The following NOL4L variants were observed in gnomAD, a reference collection of about 807,000 sequenced individuals.
The protein encoded by NOL4L is nucleolar protein 4 like.
NOL4L carries 7 observed loss-of-function variants against 64.5 expected under a neutral mutation model. The ratio of observed to expected loss-of-function variants is 0.11; its 90% confidence interval spans 0.06 to 0.20. The LOEUF is 0.20. Ranked by LOEUF, NOL4L falls within the 10% of genes least tolerant of loss-of-function variation. The pLI, the probability that NOL4L is intolerant of heterozygous loss-of-function variation, is 1.00. For missense variants in NOL4L, 680 were observed against 967.1 expected, an observed-to-expected ratio of 0.70 and a Z score of 3.94; for synonymous variants, 413 against 401.0, an observed-to-expected ratio of 1.03 and a Z score of -0.36.
chr20:32,507,522 C>T (rs550919608), intron 4 of NOL4L, among the ~76,000 whole-genome samples: 3 of 152,334 alleles, frequency 2.0e-5, no homozygotes, highest in African/African-American at 7.2e-5. Context: ...TACAACTGGC[C>T]TACAAGTAAC....
chr20:32,465,902 G>A (rs2014504569), intron 5 of NOL4L, among the ~76,000 whole-genome samples: 1 of 152,198 alleles, frequency 6.6e-6, no homozygotes, highest in Non-Finnish European at 1.5e-5. Flanking sequence ...TGTGTCCTGG[G>A]CTGAGGGGTG....
At chr20:32,490,794 T>C (rs565579586) in intron 4 of NOL4L, among the ~76,000 whole-genome samples, 49 of 152,344 alleles carry the variant, frequency 3.2e-4, no homozygotes, top group African/African-American at 1.1e-3. Flanking sequence ...ATGTCATCAG[T>C]TAATTCTGGT....
Position 32,453,166 on chromosome 20 carries a change from T to A in NOL4L, c.1497+138A>T. 9 of 1,417,102 alleles carry A rather than the reference T, an allele frequency of 6.4e-6. No homozygotes were observed. The highest frequency in any genetic ancestry group is 7.6e-6 in the Non-Finnish European group (8 of 1,048,656). The allele number at this position is 1,417,102 out of a possible 1,614,324, so 87.8% of individuals were successfully genotyped here. ...CTTTCTGGGCCTTAGTTCCCTCATT[T>A]GCAAACCAGGGATTATGGTACTTGC... On this transcript the variant is annotated intron_variant, in intron 8 of 10. Coordinates refer to ENST00000621426, the MANE Select transcript of NOL4L (RefSeq NM_001256798.2). This position sits in a 1 kb window ranked among gnomAD's most constrained non-coding sequence, Gnocchi z 5.6.
chr20:32,545,140 G>A (rs2018714604), intron 1 of NOL4L, among the ~76,000 whole-genome samples: 1 of 152,168 alleles, frequency 6.6e-6, no homozygotes, highest in Non-Finnish European at 1.5e-5. Flanking sequence ...GGGCATGGTG[G>A]TGCCTGCCTG....
In NOL4L at chr20:32,488,790, C is replaced by CTTTCTTTCT. The variant is rs2016244529; in HGVS notation, c.700-14049_700-14048insAGAAAGAAA. On this transcript the variant is annotated intron_variant, in intron 4 of 10. Coordinates refer to ENST00000621426, the MANE Select transcript of NOL4L (RefSeq NM_001256798.2). ...TCCTTCCTTCCTTCCTTCCTTCCTT[C>CTTTCTTTCT]CTTTCTTTCTTTCTTTTTCTTTCTT... Among the ~76,000 whole-genome samples the CTTTCTTTCT allele has an allele frequency of 1.8e-4, 7 of 39,754 alleles. 1 individual carries two copies. The highest frequency in any genetic ancestry group is 3.9e-5 in the Non-Finnish European group (1 of 25,332). The allele number at this position is 39,754 out of a possible 152,430, so 26.1% of individuals were successfully genotyped here. A position where few individuals can be genotyped will look rare whatever the true frequency, so the allele number is the denominator to read the frequency against.
At chr20:32,574,720 G>A (rs1040525212) in intron 1 of NOL4L, among the ~76,000 whole-genome samples, 4 of 152,118 alleles carry the variant, frequency 2.6e-5, no homozygotes, top group African/African-American at 9.7e-5. Context: ...GCCGGGAGGG[G>A]AGGGCTCCAA....
At chr20:32,572,531 C>T (rs1979817084) in intron 1 of NOL4L, 1 of 152,214 alleles carries the variant, frequency 6.6e-6, no homozygotes, top group African/African-American at 2.4e-5. Flanking sequence ...GGATTCGAAC[C>T]CAGGGCTCTT....
At position 32,569,644 on chromosome 20, in the gene NOL4L, C is replaced by A. The variant is rs367742815; in HGVS notation, c.321+14926G>T. Among the ~76,000 whole-genome samples the A allele has an allele frequency of 2.4e-4, 36 of 152,240 alleles. No individual in the cohort carries two copies. In the South Asian group the frequency reaches 5.2e-3, roughly 22 times the overall value. Reference sequence around the variant, plus strand: ...AAGCCACCTCCTGGAGCTCAGCAAGCCTGGCACAACCAGGACAGGGGCTGG... The same window carrying A: ...AAGCCACCTCCTGGAGCTCAGCAAGACTGGCACAACCAGGACAGGGGCTGG... On this transcript the variant is annotated intron_variant, in intron 1 of 10. Coordinates refer to ENST00000621426, the MANE Select transcript of NOL4L (RefSeq NM_001256798.2).
rs894490511 is a variant in NOL4L at position 32,488,853 on chromosome 20, T to C, written c.700-14111A>G. Among the ~76,000 whole-genome samples the C allele has an allele frequency of 6.4e-4, 64 of 100,690 alleles. 2 individuals carry two copies. Among genetic ancestry groups the C allele is most frequent in the Non-Finnish European group, 9.4e-4 (53 of 56,276 alleles). 66.1% of individuals were successfully genotyped at this position (100,690 alleles called of 152,430 possible). ...TTTCTTTCTTTCTTTCTTTCTTTCT[T>C]TCTTTCTTTCTTTCTTTCTTTCTTT... On this transcript the variant is annotated intron_variant, in intron 4 of 10. Coordinates refer to ENST00000621426, the MANE Select transcript of NOL4L (RefSeq NM_001256798.2).
In NOL4L at chr20:32,527,918, G is replaced by A. The variant is rs763689476; in HGVS notation, c.322-5C>T. 13 of 1,549,580 alleles carry A rather than the reference G, an allele frequency of 8.4e-6. No individual in the cohort carries two copies. Among genetic ancestry groups the A allele is most frequent in the South Asian group, 7.1e-5 (6 of 83,986 alleles). On this transcript the variant is annotated splice_polypyrimidine_tract_variant and splice_region_variant and intron_variant, in intron 1 of 10. Transcript: ENST00000621426. ...CTCCGACAGGCCATCTGCCCCCTGC[G>A]ACAGGGTGGACAAGCTGTGTTAGTG...
At chr20:32,527,121 G>A (rs141303683) in intron 2 of NOL4L, among the ~76,000 whole-genome samples, 177 of 152,282 alleles carry the variant, frequency 1.2e-3, no homozygotes, top group Middle Eastern at 0.01. Context: ...GTGTCTGGCG[G>A]TGCCTGTGCT....
At chr20:32,527,581 G>A (rs761357325) in intron 2 of NOL4L, among the ~76,000 whole-genome samples, 177 bp downstream of exon 2, 2 of 151,130 alleles carry the variant, frequency 1.3e-5, no homozygotes, top group Non-Finnish European at 2.9e-5. Flanking sequence ...CCCTCCCCTC[G>A]CCCTGTGAGC....
chr20:32,488,671 TGTAA>T (rs1169979598), intron 4 of NOL4L, among the ~76,000 whole-genome samples: 1 of 152,222 alleles, frequency 6.6e-6, no homozygotes, highest in Non-Finnish European at 1.5e-5. Flanking sequence ...CACTTGGGAA[TGTAA>T]GTAGATGTTT....
chr20:32,528,112 A>G (rs1187637258), intron 1 of NOL4L, among the ~76,000 whole-genome samples, 199 bp from the exon 2 acceptor site: 9 of 152,330 alleles, frequency 5.9e-5, no homozygotes, highest in Non-Finnish European at 1.0e-4. Context: ...GAAATCTACC[A>G]GCAACAATGG....
rs1044076701 is a variant in NOL4L, at chr20:32,531,169, G to A, written c.322-3256C>T. Among the ~76,000 whole-genome samples the A allele has an allele frequency of 5.9e-5, 9 of 152,110 alleles. No homozygotes were observed. The East Asian group carries it at 1.7e-3, about 29-fold the overall frequency. ...AGCTCTAGAGGCTTAGCTGCTTAAA[G>A]GCCAATAGACCTCCCTGTTCAAAAT... is the stretch of plus-strand genomic sequence containing the variant. On this transcript the variant is annotated intron_variant, in intron 1 of 10. Coordinates refer to ENST00000621426, the MANE Select transcript of NOL4L (RefSeq NM_001256798.2).
chr20:32,545,256 G>C (rs1179419764), intron 1 of NOL4L, among the ~76,000 whole-genome samples: 5 of 152,154 alleles, frequency 3.3e-5, no homozygotes, highest in Admixed American at 3.3e-4. Flanking sequence ...CTGGGTGACA[G>C]AGCATGACCC....
chr20:32,459,007 G>T (rs894105491), intron 5 of NOL4L, among the ~76,000 whole-genome samples: 1 of 152,240 alleles, frequency 6.6e-6, no homozygotes, highest in African/African-American at 2.4e-5. Flanking sequence ...CCTCGGGGCT[G>T]TGCCCCCGGC....
Position 32,452,450 on chromosome 20 carries a change from GA to G in NOL4L, c.1621-14del, listed in dbSNP as rs1479579849. On this transcript the variant is annotated splice_polypyrimidine_tract_variant and intron_variant, in intron 9 of 10. Coordinates refer to ENST00000621426, the MANE Select transcript of NOL4L (RefSeq NM_001256798.2). ...CTATGGGCTCATCCTGCAGAGGGGA[GA>G]GGGGGGCGCTGGGGAAACCAAGGGG... 3.2e-6 allele frequency: 5 copies of G among 1,560,876 alleles called. No homozygotes were observed. Among genetic ancestry groups the G allele is most frequent in the African/African-American group, 1.4e-5 (1 of 73,268 alleles).
chr20:32,537,651 C>G (rs1363620629), intron 1 of NOL4L, among the ~76,000 whole-genome samples: 2 of 152,190 alleles, frequency 1.3e-5, no homozygotes, highest in African/African-American at 4.8e-5. Context: ...CAGCACACAC[C>G]TCTTCTTCCT....
Sources: gnomAD v4.1 joint callset for allele counts (sites outside exome capture counted in the v4.1 genomes callset) on GRCh38, gnomAD v4.1.1 for gene constraint, Gnocchi (gnomAD v3.1) non-coding constraint, MANE v1.5 for transcripts, NCBI Gene and HGNC (gene_info 2026-07-23, HGNC 2026-07-21) for gene names.